The following DCLK1 variants were observed in gnomAD, a reference collection of about 807,000 sequenced individuals.
DCLK1 encodes the protein serine/threonine-protein kinase DCLK1.
DCLK1 carries 16 observed loss-of-function variants against 86.2 expected under a neutral mutation model. The ratio of observed to expected loss-of-function variants is 0.19; its 90% CI spans 0.13 to 0.28. The LOEUF (loss-of-function observed/expected upper bound fraction) is 0.28, where lower values mean the gene tolerates loss of function less well. Ranked by LOEUF, DCLK1 falls within the 10% of genes least tolerant of loss-of-function variation. The pLI is 1.00. For missense variants in DCLK1, 590 were observed against 940.2 expected (o/e 0.63, Z 4.87); for synonymous variants, 369 against 370.5 (o/e 1.00, Z 0.05).
intron 3 of DCLK1, among the ~76,000 whole-genome samples, chr13:36,074,200 C>G (rs974955405): frequency 4.6e-5 from 7 of 151,984 alleles, no homozygotes; most frequent in Admixed American, 2.6e-4. Context: ...GAAGACCTCC[C>G]ATCTTAAAAA....
intron 5 of DCLK1, among the ~76,000 whole-genome samples, chr13:35,854,936 C>A (rs1870939425): frequency 6.6e-6 from 1 of 152,338 alleles, no homozygotes; most frequent in East Asian, 1.9e-4. Context: ...TAATCCTTAA[C>A]TCTTCAGTTT....
At chr13:36,034,202 T>C (rs1219514843) in intron 3 of DCLK1, among the ~76,000 whole-genome samples, 1 of 152,176 alleles carries the variant, frequency 6.6e-6, no homozygotes, top group Non-Finnish European at 1.5e-5. Flanking sequence ...TCGTGTATAT[T>C]AATGCAATCA....
At chr13:35,797,478 G>A (rs2086835603) in intron 15 of DCLK1, among the ~76,000 whole-genome samples, 1 of 152,132 alleles carries the variant, frequency 6.6e-6, no homozygotes, top group African/African-American at 2.4e-5. Flanking sequence ...GGAGGTGAAG[G>A]CCTCCAGCTT....
intron 4 of DCLK1, among the ~76,000 whole-genome samples, chr13:35,929,443 A>T (rs1001039328): frequency 1.2e-4 from 18 of 152,232 alleles, no homozygotes; most frequent in African/African-American, 3.1e-4. Flanking sequence ...CTCTGTGGTC[A>T]GATTTGTGGG....
chr13:35,792,892 A>G (rs765672553), intron 16 of DCLK1, among the ~76,000 whole-genome samples: 1 of 152,204 alleles, frequency 6.6e-6, no homozygotes, highest in African/African-American at 2.4e-5. Context: ...ATTCAATTTC[A>G]CTGAAAATCT....
At chr13:35,841,911 C>T (rs569287428) in intron 6 of DCLK1, among the ~76,000 whole-genome samples, 13 of 151,978 alleles carry the variant, frequency 8.6e-5, no homozygotes, top group Non-Finnish European at 1.5e-4. Context: ...CTATTCTGCC[C>T]CACTTCCATT....
intron 3 of DCLK1, among the ~76,000 whole-genome samples, chr13:35,980,186 T>C (rs1457054553): frequency 1.3e-5 from 2 of 152,198 alleles, no homozygotes; most frequent in East Asian, 3.9e-4. Flanking sequence ...CTGAGTGTGG[T>C]GGCTTACGTC....
Position 35,846,353 on chromosome 13 carries a change from T to C in DCLK1, c.1036-7177A>G. On this transcript the variant is annotated intron_variant, in intron 6 of 16. Transcript: ENST00000360631. Reference sequence around the variant, plus strand: ...CTCCTCAAAAACACATCACAGAAAGTTAACTTTCATACTTCTTTGCCTATA... The same window carrying C: ...CTCCTCAAAAACACATCACAGAAAGCTAACTTTCATACTTCTTTGCCTATA... 8.1e-6 allele frequency: 8 copies of C among 985,330 alleles called. No individual in the cohort carries two copies. In the African/African-American group the frequency reaches 1.0e-4, roughly 13 times the overall value. 61.0% of individuals were successfully genotyped at this position (985,330 alleles called of 1,614,324 possible).
intron 15 of DCLK1, among the ~76,000 whole-genome samples, chr13:35,802,104 C>T (rs1388278692): frequency 1.3e-5 from 2 of 151,958 alleles, no homozygotes; most frequent in African/African-American, 4.8e-5. Context: ...GACTTTGTTC[C>T]TAGAAGGCAG....
chr13:35,803,251 G>A (rs2086958819), intron 15 of DCLK1, among the ~76,000 whole-genome samples: 2 of 152,190 alleles, frequency 1.3e-5, no homozygotes, highest in Non-Finnish European at 2.9e-5. Flanking sequence ...TATCTTGTAG[G>A]CTTGTTATGA....
chr13:35,786,322 T>C (rs113518651), intron 16 of DCLK1, among the ~76,000 whole-genome samples: 1,736 of 152,358 alleles, frequency 0.011, 34 homozygotes, highest in African/African-American at 0.039. Context: ...TAATTAGATA[T>C]ACTTGATGCC....
intron 3 of DCLK1, among the ~76,000 whole-genome samples, chr13:36,033,551 ATACT>A (rs1882368057): frequency 6.6e-6 from 1 of 152,100 alleles, no homozygotes; most frequent in Non-Finnish European, 1.5e-5. Context: ...GGGAGTAATA[ATACT>A]TACCATATGG....
At chr13:36,125,073 C>T (rs73529436) in intron 2 of DCLK1, among the ~76,000 whole-genome samples, 6,220 of 152,148 alleles carry the variant, frequency 0.041, 123 homozygotes, top group South Asian at 0.091. Context: ...AGTCCTATTT[C>T]CACATTAAAT....
At chr13:35,965,981 C>A (rs142075036) in intron 3 of DCLK1, among the ~76,000 whole-genome samples, 4 of 152,256 alleles carry the variant, frequency 2.6e-5, no homozygotes, top group Non-Finnish European at 5.9e-5. Flanking sequence ...TGAGGAAAAA[C>A]AGAAAGCTCA....
At chr13:35,985,078 G>A (rs1200640821) in intron 3 of DCLK1, among the ~76,000 whole-genome samples, 2 of 152,170 alleles carry the variant, frequency 1.3e-5, no homozygotes, top group Non-Finnish European at 2.9e-5. Flanking sequence ...CCACATGTGA[G>A]TGTGTGCGCT....
intron 4 of DCLK1, among the ~76,000 whole-genome samples, chr13:35,894,151 A>AC (rs1555347977): frequency 2.2e-3 from 328 of 152,274 alleles, no homozygotes; most frequent in African/African-American, 7.5e-3. Flanking sequence ...CAAAAAAAAA[A>AC]CAACCAAACC....
At chr13:35,884,066 TAA>T (rs1400641372) in intron 4 of DCLK1, among the ~76,000 whole-genome samples, 2 of 152,110 alleles carry the variant, frequency 1.3e-5, no homozygotes, top group African/African-American at 2.4e-5. Flanking sequence ...TTAAAAAAAT[TAA>T]AAACCCATGT....
At chr13:36,116,573 G>C (rs1240441707) in intron 2 of DCLK1, among the ~76,000 whole-genome samples, 1 of 152,040 alleles carries the variant, frequency 6.6e-6, no homozygotes, top group African/African-American at 2.4e-5. Context: ...TTCCAGTTCT[G>C]ATACTACTTA....
intron 4 of DCLK1, among the ~76,000 whole-genome samples, chr13:35,925,077 T>C (rs936272737): frequency 3.9e-5 from 6 of 152,218 alleles, no homozygotes; most frequent in East Asian, 1.9e-4. Context: ...TACTGGCTAA[T>C]AATTCACCAC....
Sources: allele counts gnomAD v4.1 joint callset (sites outside exome capture counted in the v4.1 genomes callset), GRCh38; gene constraint gnomAD v4.1.1; transcripts MANE v1.5; gene names NCBI Gene and HGNC (gene_info 2026-07-23, HGNC 2026-07-21).